SPTAN1: variants seen among roughly 807,000 people sequenced by gnomAD.
SPTAN1 encodes spectrin alpha chain, non-erythrocytic 1.
In SPTAN1, 61 loss-of-function variants were observed where a neutral mutation model predicts 331.3. The ratio of observed to expected loss-of-function variants is 0.18; its 90% CI spans 0.15 to 0.23. SPTAN1 has a LOEUF of 0.23. Among genes scored for constraint, SPTAN1 ranks in the 10% least tolerant of loss-of-function variants. The probability of loss-of-function intolerance (pLI) is 1.00; values close to 1 mark genes in which losing one functional copy is unlikely to be tolerated. For missense variants in SPTAN1, 2,043 were observed against 3,147.9 expected, an observed-to-expected ratio of 0.65 and a Z score of 8.40; for synonymous variants, 1,153 against 1,173.9, an observed-to-expected ratio of 0.98 and a Z score of 0.36.
At chr9:128,585,633 G>C in intron 18 of SPTAN1, 115 bp from the exon 19 acceptor site, 1 of 875,912 alleles carries the variant, frequency 1.1e-6, no homozygotes. Flanking sequence ...AAAGGGCACA[G>C]CTCACCAAAA....
At position 128,604,197 on chromosome 9, in the gene SPTAN1, A is replaced by G. The variant is rs548005480; in HGVS notation, c.3628-129A>G. ...ATATTGTATACTAATTTATTCAGCG[A>G]GGAAGGTTGGAAACAGGAAATTATA... On this transcript the variant is annotated intron_variant, in intron 28 of 56. Coordinates refer to ENST00000372739, the MANE Select transcript of SPTAN1 (RefSeq NM_001130438.3). The G allele has an allele frequency of 3.9e-5, 37 of 948,872 alleles. No individual in the cohort carries two copies. The East Asian group carries it at 8.6e-4, about 22-fold the overall frequency. 58.8% of individuals were successfully genotyped at this position (948,872 alleles called of 1,614,324 possible). A position where few individuals can be genotyped will look rare whatever the true frequency, so the allele number is the denominator to read the frequency against.
chr9:128,619,290 A>G (rs1250910185), intron 44 of SPTAN1, among the ~76,000 whole-genome samples: 1 of 152,220 alleles, frequency 6.6e-6, no homozygotes, highest in African/African-American at 2.4e-5. Context: ...TGGGGCTGCC[A>G]TAAATAAGTA....
Position 128,577,439 on chromosome 9 carries a change from A to T in SPTAN1, c.1018A>T (p.Ile340Phe), listed in dbSNP as rs1169456179. 6.2e-7 allele frequency: 1 copy of T among 1,614,212 alleles called. No homozygotes were observed. Among genetic ancestry groups the T allele is most frequent in the South Asian group, 1.1e-5 (1 of 91,084 alleles). ...GATTCAAGTGAAGCGAGAGGAACTG[A>T]TTACAAACTGGGAGCAGATCCGCAC... ...TQIQVKREEL[I>F]TNWEQIRTLA... Residue 340 changes from isoleucine to phenylalanine, a missense_variant, in exon 8 of 57, where the codon ATT (isoleucine) becomes TTT (phenylalanine). Ile to Phe is a conservative substitution (Grantham distance 21). Coordinates refer to ENST00000372739, the MANE Select transcript of SPTAN1 (RefSeq NM_001130438.3). This position sits in a 1 kb window ranked among gnomAD's most constrained non-coding sequence, Gnocchi z 4.2.
chr9:128,616,926 T>A (rs1005327585), intron 41 of SPTAN1, among the ~76,000 whole-genome samples: 1 of 152,026 alleles, frequency 6.6e-6, no homozygotes, highest in Non-Finnish European at 1.5e-5. Context: ...AGCAAGACTT[T>A]GTCTCAAAAA....
intron 20 of SPTAN1, 35 bp from the exon 21 acceptor site, chr9:128,588,774 T>G: frequency 6.2e-7 from 1 of 1,613,120 alleles, no homozygotes; most frequent in South Asian, 1.1e-5. Context: ...CGCGGACGTG[T>G]TTTTACCATG....
intron 39 of SPTAN1, among the ~76,000 whole-genome samples, chr9:128,613,035 G>A (rs1271516283): frequency 6.6e-6 from 1 of 152,054 alleles, no homozygotes; most frequent in Non-Finnish European, 1.5e-5. Context: ...GCCTTTTGGT[G>A]TATATATTTT....
chr9:128,560,017 G>A (rs904471124), intron 1 of SPTAN1, among the ~76,000 whole-genome samples: 1 of 151,054 alleles, frequency 6.6e-6, no homozygotes, highest in Non-Finnish European at 1.5e-5. Context: ...TTACAGGTGT[G>A]AGCCACCCTG....
chr9:128,575,889 C>T (rs1289386165), intron 5 of SPTAN1, among the ~76,000 whole-genome samples: 1 of 152,104 alleles, frequency 6.6e-6, no homozygotes, highest in East Asian at 1.9e-4. Flanking sequence ...CCAAAGGGTT[C>T]CAAAGACATC....
intron 29 of SPTAN1, 104 bp from the exon 30 acceptor site, chr9:128,604,930 C>G: frequency 2.5e-6 from 3 of 1,209,042 alleles, no homozygotes; most frequent in Non-Finnish European, 3.4e-6. Context: ...GAAACTCCAT[C>G]TCAGTAAATA....
At chr9:128,622,259 AGTGTCCTTCAGC>A (rs1193517137) in intron 45 of SPTAN1, among the ~76,000 whole-genome samples, 1 of 138,098 alleles carries the variant, frequency 7.2e-6, no homozygotes, top group African/African-American at 2.7e-5. Flanking sequence ...CACCAGTGTG[AGTGTCCTTCAGC>A]CTCCTGGCAA....
intron 31 of SPTAN1, among the ~76,000 whole-genome samples, chr9:128,606,038 A>G (rs1855800575): frequency 1.3e-5 from 2 of 151,970 alleles, no homozygotes; most frequent in African/African-American, 4.8e-5. Flanking sequence ...TACATAATCA[A>G]TGTAAAATAG....
rs764505727 is a variant in SPTAN1, at chr9:128,627,163, C to T, written c.6577-223C>T. The T allele has an allele frequency of 4.7e-6, 3 of 632,556 alleles. No individual in the cohort carries two copies. The highest frequency in any genetic ancestry group is 1.6e-5 in the South Asian group (1 of 63,584). The allele number at this position is 632,556 out of a possible 1,614,324, so 39.2% of individuals were successfully genotyped here. On this transcript the variant is annotated intron_variant, in intron 49 of 56. Coordinates refer to ENST00000372739, the MANE Select transcript of SPTAN1 (RefSeq NM_001130438.3). The surrounding 1 kb of genome is among the most constrained non-coding windows in gnomAD (Gnocchi z 4.9). ...GCAACTCCCTGCTTGACTGACCAGTCGCTTCCCTCCAGGTCCGCCTCTTCC... is the reference window on the plus strand; with the variant it reads ...GCAACTCCCTGCTTGACTGACCAGTTGCTTCCCTCCAGGTCCGCCTCTTCC...
Position 128,618,878 on chromosome 9 carries a change from C to T in SPTAN1, c.5608C>T (p.Arg1870Trp), listed in dbSNP as rs1423165476. ...LKQLAAARGQ[R>W]LEESLEYQQF... ...CCTGTCTCCTGTAATTAGGGGTCAG[C>T]GGCTGGAAGAGTCCTTGGAATATCA... The change falls in exon 44 of 57, where the codon CGG becomes TGG. Residue 1870 changes from arginine to tryptophan, a missense_variant. This residue lies in a region of SPTAN1 where 323 missense variants were observed against 581.1 expected (regional missense o/e 0.56). Coordinates refer to ENST00000372739, the MANE Select transcript of SPTAN1 (RefSeq NM_001130438.3). 3.7e-6 allele frequency: 6 copies of T among 1,614,144 alleles called. No individual in the cohort carries two copies. Among genetic ancestry groups the T allele is most frequent in the Non-Finnish European group, 4.2e-6 (5 of 1,180,032 alleles).
intron 1 of SPTAN1, 21 bp from the exon 2 acceptor site, chr9:128,566,712 TATCTC>T (rs758401244): frequency 1.9e-5 from 30 of 1,613,994 alleles, no homozygotes; most frequent in African/African-American, 1.5e-4. Flanking sequence ...TATTGGTACT[TATCTC>T]AGCGCATTTT....
intron 10 of SPTAN1, among the ~76,000 whole-genome samples, chr9:128,580,002 T>C (rs1851748915): frequency 6.6e-6 from 1 of 152,078 alleles, no homozygotes; most frequent in Non-Finnish European, 1.5e-5. Flanking sequence ...CATTAGGAGT[T>C]GGAGCAAAGA....
chr9:128,591,325 C>G (rs918895871), intron 21 of SPTAN1, 152 bp from the exon 22 acceptor site: 3 of 944,486 alleles, frequency 3.2e-6, no homozygotes, highest in Admixed American at 2.0e-5. Context: ...CTCGGTCTCC[C>G]AAAGTGCTGG....
intron 21 of SPTAN1, among the ~76,000 whole-genome samples, chr9:128,590,069 A>G (rs890343870): frequency 3.9e-5 from 6 of 152,194 alleles, no homozygotes; most frequent in Non-Finnish European, 8.8e-5. Flanking sequence ...GCACAGATTG[A>G]CTGATCCTGA....
At chr9:128,571,144 G>A (rs368586914) in intron 3 of SPTAN1, among the ~76,000 whole-genome samples, 1 of 152,110 alleles carries the variant, frequency 6.6e-6, no homozygotes. Context: ...TTAAAAATTA[G>A]TGGGGCGTGG....
chr9:128,615,581 A>G (rs564861038), intron 40 of SPTAN1, 51 bp from the exon 41 acceptor site: 2 of 1,595,008 alleles, frequency 1.3e-6, no homozygotes, highest in East Asian at 4.5e-5. Context: ...ATGTTCAAGC[A>G]GATAGCTGTG....
Sources: gnomAD v4.1 joint callset for allele counts (sites outside exome capture counted in the v4.1 genomes callset) on GRCh38, gnomAD v4.1.1 for gene constraint, gnomAD v4.1.1 regional missense constraint, Gnocchi (gnomAD v3.1) non-coding constraint, MANE v1.5 for transcripts, NCBI Gene and HGNC (gene_info 2026-07-23, HGNC 2026-07-21) for gene names.